The following PTPRK variants were observed in gnomAD, a reference collection of about 807,000 sequenced individuals.
PTPRK encodes the protein receptor-type tyrosine-protein phosphatase kappa.
Under a neutral mutation model 178.0 loss-of-function variants are expected in PTPRK, and 75 were observed. That is an observed-to-expected ratio of 0.42 (90% CI 0.35 to 0.51). The LOEUF is 0.51. Among genes scored for constraint, PTPRK ranks in the 20% least tolerant of loss-of-function variants. The probability of loss-of-function intolerance (pLI) is 0.02; values close to 1 mark genes in which losing one functional copy is unlikely to be tolerated. For missense variants in PTPRK, 1,441 were observed against 1,797.8 expected, an observed-to-expected ratio of 0.80 and a Z score of 3.59; for synonymous variants, 637 against 620.6, an observed-to-expected ratio of 1.03 and a Z score of -0.39.
At chr6:128,165,279 A>G (rs1239078633) in intron 7 of PTPRK, among the ~76,000 whole-genome samples, 1 of 151,464 alleles carries the variant, frequency 6.6e-6, no homozygotes. Flanking sequence ...ATTAGGAAGT[A>G]ATACATATAA....
chr6:128,435,226 A>T (rs528937151), intron 1 of PTPRK, among the ~76,000 whole-genome samples: 2 of 152,286 alleles, frequency 1.3e-5, no homozygotes, highest in African/African-American at 4.8e-5. Context: ...TTATAACAAA[A>T]ATCAAGAAAA....
intron 2 of PTPRK, among the ~76,000 whole-genome samples, chr6:128,353,280 C>T (rs1833445255): frequency 6.6e-6 from 1 of 152,132 alleles, no homozygotes; most frequent in South Asian, 2.1e-4. Flanking sequence ...TAAAATGGTA[C>T]AGCCACTATG....
At chr6:128,261,921 A>C (rs571464325) in intron 3 of PTPRK, among the ~76,000 whole-genome samples, 1 of 152,296 alleles carries the variant, frequency 6.6e-6, no homozygotes, top group Admixed American at 6.5e-5. Flanking sequence ...CACAGCATCA[A>C]GTTGGGCCCT....
chr6:128,468,550 T>C (rs1330816206), intron 1 of PTPRK, among the ~76,000 whole-genome samples: 2 of 152,198 alleles, frequency 1.3e-5, no homozygotes, highest in African/African-American at 4.8e-5. Flanking sequence ...TGTTAAATAT[T>C]ATCTTTGATA....
At chr6:128,236,970 T>C (rs1158812809) in intron 5 of PTPRK, among the ~76,000 whole-genome samples, 3 of 152,186 alleles carry the variant, frequency 2.0e-5, no homozygotes, top group Non-Finnish European at 1.5e-5. Context: ...CATTTTTCAA[T>C]TTACTCAATT....
At chr6:128,435,204 A>G (rs2128396812) in intron 1 of PTPRK, among the ~76,000 whole-genome samples, 1 of 152,234 alleles carries the variant, frequency 6.6e-6, no homozygotes, top group East Asian at 1.9e-4. Context: ...GAGCCTCCCC[A>G]GTGTGCTCTC....
intron 2 of PTPRK, among the ~76,000 whole-genome samples, chr6:128,336,748 A>C (rs561479365): frequency 1.3e-5 from 2 of 152,252 alleles, no homozygotes; most frequent in East Asian, 3.9e-4. Flanking sequence ...CAAACAAATA[A>C]ACAAAAACTT....
chr6:128,146,477 C>T (rs1796513890), intron 7 of PTPRK, among the ~76,000 whole-genome samples: 1 of 151,086 alleles, frequency 6.6e-6, no homozygotes, highest in Admixed American at 6.6e-5. Flanking sequence ...TGGAGTCTCG[C>T]TCTGTCACCA....
chr6:128,463,741 G>GTTTTTTT (rs896710320), intron 1 of PTPRK, among the ~76,000 whole-genome samples: 3 of 96,868 alleles, frequency 3.1e-5, no homozygotes, highest in African/African-American at 4.5e-5. Flanking sequence ...AATCTTCACG[G>GTTTTTTT]TTTTTTTTTT....
chr6:128,131,864 G>C (rs1300013472), intron 7 of PTPRK, among the ~76,000 whole-genome samples: 1 of 152,152 alleles, frequency 6.6e-6, no homozygotes, highest in Non-Finnish European at 1.5e-5. Flanking sequence ...GTTGAAAAAT[G>C]AGTCATCACT....
chr6:128,080,020 G>A (rs2114991101), intron 10 of PTPRK, among the ~76,000 whole-genome samples: 1 of 149,664 alleles, frequency 6.7e-6, no homozygotes, highest in Non-Finnish European at 1.5e-5. Flanking sequence ...ATGGTCTGGG[G>A]GTGGGGGGTC....
intron 7 of PTPRK, among the ~76,000 whole-genome samples, chr6:128,098,770 GT>G (rs1788312593): frequency 6.6e-6 from 1 of 152,050 alleles, no homozygotes; most frequent in Non-Finnish European, 1.5e-5. Context: ...CTAATCTGTT[GT>G]GCTGAACTTA....
At position 128,318,913 on chromosome 6, in the gene PTPRK, T is replaced by C. The variant is rs537963753; in HGVS notation, c.495+3126A>G. On this transcript the variant is annotated intron_variant, in intron 3 of 29. Transcript: ENST00000368226. Reference sequence around the variant, plus strand: ...CAGTACTTATTTGTGGCCCATAAAATACGTAGAATAGCATCTTTCAACCAT... The same window carrying C: ...CAGTACTTATTTGTGGCCCATAAAACACGTAGAATAGCATCTTTCAACCAT... Among the ~76,000 whole-genome samples, 3 of 152,274 alleles carry C rather than the reference T, an allele frequency of 2.0e-5. No homozygotes were observed. The South Asian group carries it at 6.2e-4, about 32-fold the overall frequency.
intron 7 of PTPRK, among the ~76,000 whole-genome samples, chr6:128,131,376 A>G (rs1357489007): frequency 2.0e-5 from 3 of 152,186 alleles, no homozygotes; most frequent in Non-Finnish European, 4.4e-5. Context: ...CTTAATAAAA[A>G]TCTATGCGGA....
At chr6:128,070,810 C>T (rs902359153) in intron 11 of PTPRK, among the ~76,000 whole-genome samples, 1 of 151,470 alleles carries the variant, frequency 6.6e-6, no homozygotes, top group African/African-American at 2.4e-5. Context: ...TACTTAAACG[C>T]CCATTATCCT....
intron 3 of PTPRK, among the ~76,000 whole-genome samples, chr6:128,251,592 A>C (rs1816463916): frequency 6.6e-6 from 1 of 152,194 alleles, no homozygotes; most frequent in Non-Finnish European, 1.5e-5. Context: ...ACCTGAATAC[A>C]CACAGGCCTT....
intron 7 of PTPRK, among the ~76,000 whole-genome samples, chr6:128,145,653 T>C (rs1175858726): frequency 1.3e-5 from 2 of 151,822 alleles, no homozygotes; most frequent in Non-Finnish European, 2.9e-5. Flanking sequence ...TGTATTGTTT[T>C]GAGGAGTTAA....
intron 2 of PTPRK, among the ~76,000 whole-genome samples, chr6:128,342,476 C>T (rs1198468710): frequency 6.6e-6 from 1 of 151,898 alleles, no homozygotes. Flanking sequence ...ATTGTAATTG[C>T]CTACTAAGCC....
At chr6:128,234,461 TC>T (rs761226325) in intron 5 of PTPRK, among the ~76,000 whole-genome samples, 4 of 152,288 alleles carry the variant, frequency 2.6e-5, no homozygotes, top group South Asian at 2.1e-4. Flanking sequence ...CTAGAGAATT[TC>T]CCCCTGCCCA....
Sources: gnomAD v4.1 joint callset for allele counts (sites outside exome capture counted in the v4.1 genomes callset) on GRCh38, gnomAD v4.1.1 for gene constraint, MANE v1.5 for transcripts, NCBI Gene and HGNC (gene_info 2026-07-23, HGNC 2026-07-21) for gene names.